Variants in NSMCE2 observed in about 807,000 individuals in gnomAD.
NSMCE2 encodes the protein NSE2 SUMO ligase component of SMC5/6 complex, also known as E3 SUMO-protein ligase NSE2.
NSMCE2 carries 24 observed loss-of-function variants against 23.8 expected under a neutral mutation model. The observed-to-expected ratio is 1.01, with a 90% confidence interval of 0.73 to 1.42. The LOEUF (loss-of-function observed/expected upper bound fraction) is 1.42, where lower values mean the gene tolerates loss of function less well. Among genes scored for constraint, NSMCE2 ranks in the 40% most tolerant of loss-of-function variants. The pLI is 0.00. For missense variants in NSMCE2, 284 were observed against 296.5 expected (o/e 0.96, Z 0.31); for synonymous variants, 92 against 94.1 (o/e 0.98, Z 0.13).
intron 5 of NSMCE2, among the ~76,000 whole-genome samples, chr8:125,327,108 TA>T (rs1435595280): frequency 2.8e-5 from 4 of 141,754 alleles, no homozygotes; most frequent in Non-Finnish European, 3.1e-5. Context: ...ACTAAAACTA[TA>T]AAAAAAAATT....
intron 5 of NSMCE2, among the ~76,000 whole-genome samples, chr8:125,267,542 T>C (rs1826978957): frequency 6.6e-6 from 1 of 152,136 alleles, no homozygotes; most frequent in South Asian, 2.1e-4. Context: ...TCCTAGCACT[T>C]TGGAAGGCTG....
intron 3 of NSMCE2, among the ~76,000 whole-genome samples, chr8:125,130,649 A>G (rs1446897111): frequency 6.6e-6 from 1 of 152,192 alleles, no homozygotes; most frequent in Non-Finnish European, 1.5e-5. Flanking sequence ...AAGCCCTTTC[A>G]GCAGACAGAG....
At chr8:125,194,192 T>C (rs571371984) in intron 5 of NSMCE2, among the ~76,000 whole-genome samples, 7 of 152,210 alleles carry the variant, frequency 4.6e-5, no homozygotes, top group Non-Finnish European at 8.8e-5. Context: ...TCAGTTGTCC[T>C]GCACAGTTCT....
chr8:125,101,203 T>C (rs1405547114), intron 1 of NSMCE2, among the ~76,000 whole-genome samples: 3 of 152,156 alleles, frequency 2.0e-5, no homozygotes, highest in Non-Finnish European at 2.9e-5. Flanking sequence ...TCAATACTTA[T>C]GAGTGAAATG....
chr8:125,224,791 C>T (rs1438063985), intron 5 of NSMCE2, among the ~76,000 whole-genome samples: 1 of 152,102 alleles, frequency 6.6e-6, no homozygotes, highest in Non-Finnish European at 1.5e-5. Flanking sequence ...TATTGAGGCT[C>T]ATAAGAGGTT....
intron 5 of NSMCE2, among the ~76,000 whole-genome samples, chr8:125,340,018 T>G (rs372579818): frequency 4.6e-4 from 49 of 105,770 alleles, no homozygotes; most frequent in African/African-American, 7.9e-4. Flanking sequence ...TTTTGTTTTT[T>G]TTTTTTTTTT....
chr8:125,171,858 A>G (rs530609113), intron 4 of NSMCE2, among the ~76,000 whole-genome samples: 1 of 152,320 alleles, frequency 6.6e-6, no homozygotes, highest in Non-Finnish European at 1.5e-5. Context: ...GAAACGTTCT[A>G]TATCTGCTCT....
At chr8:125,198,822 T>G (rs1823741748) in intron 5 of NSMCE2, among the ~76,000 whole-genome samples, 1 of 152,276 alleles carries the variant, frequency 6.6e-6, no homozygotes, top group Admixed American at 6.5e-5. Context: ...GGTCCTGGGC[T>G]TTTTTTGGTT....
At chr8:125,092,527 TAGG>T (rs1283696131) in intron 1 of NSMCE2, among the ~76,000 whole-genome samples, 2 of 152,196 alleles carry the variant, frequency 1.3e-5, no homozygotes, top group Non-Finnish European at 2.9e-5. Context: ...AGTTTCATAA[TAGG>T]AGTGTGTTGT....
chr8:125,184,899 T>C (rs897942760), intron 5 of NSMCE2, among the ~76,000 whole-genome samples: 1 of 152,128 alleles, frequency 6.6e-6, no homozygotes, highest in African/African-American at 2.4e-5. Context: ...ACAATAATAA[T>C]TTTTTTGTTT....
chr8:125,285,943 AC>A lies in NSMCE2; in HGVS notation c.419-71274del, dbSNP rs533123477. Among the ~76,000 whole-genome samples the A allele has an allele frequency of 1.6e-4, 25 of 152,110 alleles. 1 individual carries two copies. The South Asian group carries it at 5.2e-3, about 32-fold the overall frequency. On this transcript the variant is annotated intron_variant, in intron 5 of 7. Transcript: ENST00000287437. Reference sequence around the variant, plus strand: ...AGGATTTGAATTCAGGTTTGACCTGACCAAAACTTGAGCCCTTGGCCATTAG... The same window carrying A: ...AGGATTTGAATTCAGGTTTGACCTGACAAAACTTGAGCCCTTGGCCATTAG...
At chr8:125,343,812 G>A (rs571900375) in intron 5 of NSMCE2, among the ~76,000 whole-genome samples, 8 of 151,902 alleles carry the variant, frequency 5.3e-5, no homozygotes, top group East Asian at 3.9e-4. Flanking sequence ...TGGCTAATTC[G>A]GTGAAACCCC....
At chr8:125,242,305 G>A (rs1247659560) in intron 5 of NSMCE2, among the ~76,000 whole-genome samples, 1 of 151,992 alleles carries the variant, frequency 6.6e-6, no homozygotes, top group African/African-American at 2.4e-5. Flanking sequence ...GAATCAAAGG[G>A]AAGAAAAGCA....
intron 5 of NSMCE2, among the ~76,000 whole-genome samples, chr8:125,246,725 A>AGC (rs1158800144): frequency 6.6e-6 from 1 of 152,186 alleles, no homozygotes; most frequent in Non-Finnish European, 1.5e-5. Context: ...TAGGGTATCT[A>AGC]TGACCAAATT....
chr8:125,165,011 G>A (rs1821805966), intron 4 of NSMCE2, among the ~76,000 whole-genome samples: 1 of 152,178 alleles, frequency 6.6e-6, no homozygotes, highest in Admixed American at 6.5e-5. Flanking sequence ...TCTGTATGTG[G>A]CATTACATGG....
intron 5 of NSMCE2, among the ~76,000 whole-genome samples, chr8:125,265,280 G>A (rs1181222340): frequency 2.0e-5 from 3 of 150,392 alleles, no homozygotes; most frequent in South Asian, 2.1e-4. Flanking sequence ...GGAGTACAAC[G>A]GCAAGATCTT....
At chr8:125,338,683 A>G (rs1357065982) in intron 5 of NSMCE2, among the ~76,000 whole-genome samples, 1 of 152,194 alleles carries the variant, frequency 6.6e-6, no homozygotes, top group African/African-American at 2.4e-5. Flanking sequence ...TACTGTTGTA[A>G]ACTCTACTTT....
chr8:125,095,882 C>CAAA (rs1174381155), intron 1 of NSMCE2, among the ~76,000 whole-genome samples: 1 of 65,642 alleles, frequency 1.5e-5, no homozygotes, highest in Admixed American at 1.7e-4. Flanking sequence ...AACTCCATCT[C>CAAA]AAAAAAAAAA....
chr8:125,245,942 T>G (rs1310687899), intron 5 of NSMCE2, among the ~76,000 whole-genome samples: 3 of 151,898 alleles, frequency 2.0e-5, no homozygotes, highest in Non-Finnish European at 4.4e-5. Flanking sequence ...GAGAATGGCT[T>G]GAACCCAGGA....
Sources: gnomAD v4.1 joint callset for allele counts (sites outside exome capture counted in the v4.1 genomes callset) on GRCh38, gnomAD v4.1.1 for gene constraint, MANE v1.5 for transcripts, NCBI Gene and HGNC (gene_info 2026-07-23, HGNC 2026-07-21) for gene names.